Variants in GCC2 observed in about 807,000 individuals in gnomAD.
GCC2 encodes the protein GRIP and coiled-coil domain containing 2.
In GCC2, 120 loss-of-function variants were observed where a neutral mutation model predicts 210.6. The observed-to-expected ratio is 0.57, with a 90% CI of 0.49 to 0.66. GCC2 has a LOEUF of 0.66. Ranked by LOEUF, GCC2 falls within the 30% of genes least tolerant of loss-of-function variation. GCC2 has a pLI of 0.00. For synonymous variants in GCC2, 703 were observed against 652.7 expected, an observed-to-expected ratio of 1.08 and a Z score of -1.17; for missense variants, 1,868 against 1,871.9, an observed-to-expected ratio of 1.00 and a Z score of 0.04.
chr2:108,459,745 C>CTTTTTTTTT lies in GCC2; in HGVS notation c.216+7304_216+7312dup. ...GCCATTAGATAATGACCTTCTTTGT[C>CTTTTTTTTT]TTTTTTTTTTTTTTTTTTTTTTTTT... On this transcript the variant is annotated intron_variant, in intron 4 of 22. Coordinates refer to ENST00000309863, the MANE Select transcript of GCC2 (RefSeq NM_181453.4). Among the ~76,000 whole-genome samples, 184 of 26,722 alleles carry CTTTTTTTTT rather than the reference C, an allele frequency of 6.9e-3. 10 individuals carry two copies. The highest frequency in any genetic ancestry group is 7.9e-3 in the Non-Finnish European group (118 of 14,850). 17.5% of individuals were successfully genotyped at this position (26,722 alleles called of 152,430 possible). A position where few individuals can be genotyped will look rare whatever the true frequency, so the allele number is the denominator to read the frequency against.
chr2:108,475,400 T>C (rs1213487416), intron 7 of GCC2, 135 bp from the exon 8 acceptor site: 2 of 493,748 alleles, frequency 4.1e-6, no homozygotes, highest in Non-Finnish European at 7.2e-6. Flanking sequence ...AAAAATGATA[T>C]TACTGTTTTT....
At chr2:108,491,140 A>G (rs562607942) in intron 18 of GCC2, among the ~76,000 whole-genome samples, 1 of 152,360 alleles carries the variant, frequency 6.6e-6, no homozygotes, top group East Asian at 1.9e-4. Context: ...TGTGATAATT[A>G]GGCTAATTAA....
intron 18 of GCC2, 150 bp from the exon 19 acceptor site, chr2:108,492,423 A>AT: frequency 1.6e-6 from 1 of 619,502 alleles, no homozygotes; most frequent in Non-Finnish European, 2.9e-6. Flanking sequence ...TTATTTCACA[A>AT]TGAGTACAGT....
intron 19 of GCC2, chr2:108,493,484 G>A (rs1167042735): frequency 9.3e-5 from 92 of 987,044 alleles, no homozygotes; most frequent in Non-Finnish European, 1.1e-4. Flanking sequence ...ACATTAGATA[G>A]AGCAAGGAAC....
intron 21 of GCC2, among the ~76,000 whole-genome samples, chr2:108,498,368 T>C (rs1682754735): frequency 6.6e-6 from 1 of 151,458 alleles, no homozygotes; most frequent in Non-Finnish European, 1.5e-5. Flanking sequence ...GCTAATTTTT[T>C]TTATTTTACT....
At position 108,508,066 on chromosome 2, in the gene GCC2, A is replaced by C. The variant is rs113789039; in HGVS notation, c.*436A>C. The C allele has an allele frequency of 2.3e-3, 290 of 128,340 alleles. 4 individuals carry two copies. The highest frequency in any genetic ancestry group is 0.014 in the Middle Eastern group (4 of 288). The allele number at this position is 128,340 out of a possible 1,614,324, so 8.0% of individuals were successfully genotyped here. ...GAAATCCCACTACTTTGGGAGGCTG[A>C]GGCTGGAGAATTGCTTGAGGCTAGT... On this transcript the variant is annotated 3_prime_UTR_variant, in exon 23 of 23. Coordinates refer to ENST00000309863, the MANE Select transcript of GCC2 (RefSeq NM_181453.4).
chr2:108,489,622 GA>G (rs1485239826), intron 17 of GCC2, among the ~76,000 whole-genome samples: 1 of 151,974 alleles, frequency 6.6e-6, no homozygotes, highest in Admixed American at 6.6e-5. Flanking sequence ...AAATTTTAGA[GA>G]AATTTTTTGT....
intron 4 of GCC2, among the ~76,000 whole-genome samples, chr2:108,458,095 TCTGTGC>T: frequency 6.6e-6 from 1 of 152,324 alleles, no homozygotes; most frequent in Non-Finnish European, 1.5e-5. Context: ...GTATAATCCT[TCTGTGC>T]CTAGTTTGCT....
intron 22 of GCC2, among the ~76,000 whole-genome samples, chr2:108,501,324 A>G (rs544219470): frequency 3.4e-4 from 51 of 152,102 alleles, no homozygotes; most frequent in Admixed American, 1.4e-3. Flanking sequence ...ATATATATAA[A>G]TATATTTTTA....
intron 5 of GCC2, chr2:108,469,324 C>A (rs772547354): frequency 4.9e-6 from 2 of 410,442 alleles, no homozygotes; most frequent in African/African-American, 2.1e-5. Context: ...TTACTAAAAG[C>A]GAAAAAAAGT....
intron 8 of GCC2, 52 bp from the exon 9 acceptor site, chr2:108,475,700 A>C: frequency 6.8e-7 from 1 of 1,467,076 alleles, no homozygotes; most frequent in East Asian, 2.3e-5. Flanking sequence ...GAGTTTTTCT[A>C]TCCATTAAAA....
chr2:108,449,726 G>C (rs751212670), intron 2 of GCC2, 37 bp downstream of exon 2: 2 of 1,550,706 alleles, frequency 1.3e-6, no homozygotes, highest in African/African-American at 2.7e-5. Flanking sequence ...TTCCTGAAGA[G>C]TGGAAGGGTG....
intron 2 of GCC2, 83 bp downstream of exon 2, chr2:108,449,772 GC>G: frequency 1.1e-6 from 1 of 886,922 alleles, no homozygotes; most frequent in Non-Finnish European, 1.8e-6. Context: ...GAAGGGGGGG[GC>G]GCTGATTTTT....
chr2:108,454,164 G>C (rs1182521286), intron 4 of GCC2, among the ~76,000 whole-genome samples: 1 of 152,038 alleles, frequency 6.6e-6, no homozygotes. Flanking sequence ...CTAATTTTTT[G>C]TATTTTTAGT....
rs756242710 is a variant in GCC2, at chr2:108,484,273, T to C, written c.3575T>C (p.Ile1192Thr). The C allele has an allele frequency of 3.9e-6, 6 of 1,546,988 alleles. No homozygotes were observed. The highest frequency in any genetic ancestry group is 5.2e-6 in the Non-Finnish European group (6 of 1,144,732). Reference sequence around the variant, plus strand: ...GAAGATTTGGAGCAAGAAATAAAAATTCAAAAACAGAAACAAGAAACCCTA... The same window carrying C: ...GAAGATTTGGAGCAAGAAATAAAAACTCAAAAACAGAAACAAGAAACCCTA... ...KIEDLEQEIKIQKQKQETLQE... is the reference protein window; with the variant it reads ...KIEDLEQEIKTQKQKQETLQE... Residue 1192 changes from isoleucine (I) to threonine (T), a missense_variant, in exon 13 of 23, where the codon ATT (isoleucine) becomes ACT (threonine). Coordinates refer to ENST00000309863, the MANE Select transcript of GCC2 (RefSeq NM_181453.4).
intron 10 of GCC2, 107 bp from the exon 11 acceptor site, chr2:108,482,180 T>A: frequency 1.5e-6 from 1 of 682,844 alleles, no homozygotes; most frequent in Non-Finnish European, 2.5e-6. Context: ...CTTGGAAATC[T>A]TCATTTGTCA....
chr2:108,464,699 G>A (rs951239640), intron 4 of GCC2, among the ~76,000 whole-genome samples: 2 of 152,102 alleles, frequency 1.3e-5, no homozygotes, highest in Non-Finnish European at 2.9e-5. Flanking sequence ...TTTTTGCATT[G>A]CTATGAAGAA....
rs779086346 is a variant in GCC2, at chr2:108,471,632, C to G, written c.2303C>G (p.Ser768Ter). 1 of 1,613,292 alleles carries G rather than the reference C, an allele frequency of 6.2e-7. No individual in the cohort carries two copies. Residue 768 changes from serine (S) to a stop codon, truncating the protein, a stop_gained, in exon 6 of 23, where the codon TCA becomes TGA. Coordinates refer to ENST00000309863, the MANE Select transcript of GCC2 (RefSeq NM_181453.4). LOFTEE classifies it high-confidence loss of function. ...TATGGTTTTCTTAAAGAAATGGGATCAGAAGTTTCAGAAGACAGTGAAGAG... is the reference window on the plus strand; with the variant it reads ...TATGGTTTTCTTAAAGAAATGGGATGAGAAGTTTCAGAAGACAGTGAAGAG... ...QLYGFLKEMG[S>*]EVSEDSEEKD... is the part of the protein sequence containing the mutation.
In GCC2 at chr2:108,456,948, T is replaced by TAAA. The variant is rs59458748; in HGVS notation, c.216+4499_216+4501dup. 8.2e-4 allele frequency among the ~76,000 whole-genome samples: 110 copies of TAAA among 133,688 alleles called. No individual in the cohort carries two copies. In the South Asian group the frequency reaches 0.014, roughly 17 times the overall value. 87.7% of individuals were successfully genotyped at this position (133,688 alleles called of 152,430 possible). ...CTGGGTGACAGAGGGAGCCCTTACA[T>TAAA]AAAAAAAAAAAAAAAAAAATTTAAG... On this transcript the variant is annotated intron_variant, in intron 4 of 22. Transcript: ENST00000309863.
Sources: gnomAD v4.1 joint callset for allele counts (sites outside exome capture counted in the v4.1 genomes callset) on GRCh38, gnomAD v4.1.1 for gene constraint, MANE v1.5 for transcripts, NCBI Gene and HGNC (gene_info 2026-07-23, HGNC 2026-07-21) for gene names.